The following TECPR1 variants were observed in gnomAD, a reference collection of about 807,000 sequenced individuals.
The protein encoded by TECPR1 is tectonin beta-propeller repeat containing 1.
Under a neutral mutation model 162.4 loss-of-function variants are expected in TECPR1, and 122 were observed. That is an observed-to-expected ratio of 0.75 (90% CI 0.65 to 0.87). The LOEUF is 0.87. TECPR1 is among the 40% of genes least tolerant of loss of function. TECPR1 has a pLI of 0.00. For synonymous variants in TECPR1, 642 were observed against 670.6 expected (o/e 0.96, Z 0.66); for missense variants, 1,432 against 1,618.2 (o/e 0.88, Z 1.97).
chr7:98,223,631 C>G, intron 20 of TECPR1, 31 bp downstream of exon 20: 1 of 1,613,014 alleles, frequency 6.2e-7, no homozygotes, highest in South Asian at 1.1e-5. Flanking sequence ...AGGAGCCTGA[C>G]CGTGACAGTC....
In TECPR1 at chr7:98,243,838, C is replaced by T. The variant is rs553571517; in HGVS notation, c.532-246G>A. ...CTCAAACTCCCGGCCTCAAGTGATCCACCTGCCTTGGCTTCTCAAGTGCTA... is the reference window on the plus strand; with the variant it reads ...CTCAAACTCCCGGCCTCAAGTGATCTACCTGCCTTGGCTTCTCAAGTGCTA... On this transcript the variant is annotated intron_variant, in intron 5 of 25. Coordinates refer to ENST00000447648, the MANE Select transcript of TECPR1 (RefSeq NM_015395.3). 3.3e-5 allele frequency among the ~76,000 whole-genome samples: 5 copies of T among 152,308 alleles called. No individual in the cohort carries two copies. In the South Asian group the frequency reaches 1.0e-3, roughly 32 times the overall value.
rs1173940729 is a variant in TECPR1, at chr7:98,229,176, T to A, written c.2283-10A>T. ...CATCTGCCGCCAAAACCTGGAAGGA[T>A]GGGAGAGGGCAGGTGGAAACCCCTC... On this transcript the variant is annotated splice_polypyrimidine_tract_variant and intron_variant, in intron 15 of 25. Transcript: ENST00000447648. The A allele has an allele frequency of 6.4e-7, 1 of 1,554,728 alleles. No individual in the cohort carries two copies. The highest frequency in any genetic ancestry group is 2.4e-5 in the East Asian group (1 of 41,132).
chr7:98,233,353 C>T, intron 11 of TECPR1, 68 bp downstream of exon 11: 3 of 1,395,164 alleles, frequency 2.2e-6, no homozygotes, highest in Non-Finnish European at 2.8e-6. Flanking sequence ...CCCCGGCCTC[C>T]TCCCACACCC....
At chr7:98,233,136 C>A in intron 11 of TECPR1, 164 bp from the exon 12 acceptor site, 1 of 871,722 alleles carries the variant, frequency 1.1e-6, no homozygotes, top group Non-Finnish European at 1.7e-6. Flanking sequence ...TTGCTCTCCC[C>A]CAGTAATTCA....
chr7:98,233,048 C>A, intron 11 of TECPR1, 76 bp from the exon 12 acceptor site: 2 of 1,485,398 alleles, frequency 1.3e-6, no homozygotes, highest in South Asian at 1.3e-5. Context: ...GCGCTCCCCT[C>A]CACCAAATCA....
intron 19 of TECPR1, among the ~76,000 whole-genome samples, chr7:98,223,925 C>A (rs566760976): frequency 6.6e-6 from 1 of 152,286 alleles, no homozygotes; most frequent in South Asian, 2.1e-4. Context: ...TTGAGTGCAG[C>A]CCTGGGGACC....
Position 98,231,855 on chromosome 7 carries a change from G to A in TECPR1, c.1923C>T (p.Gly641=), listed in dbSNP as rs747792186. ...LALEQFTGHD[G]VRDSILFIYY... is the part of the protein sequence containing the mutation. ...AGATGAAGAGGATGCTGTCCCGGAC[G>A]CCGTCGTGCCCCGTGAACTGCTCCA... Residue 641 remains glycine (G), a synonymous_variant, in exon 13 of 26, where the codon GGC becomes GGT. Transcript: ENST00000447648. 1.9e-5 allele frequency: 30 copies of A among 1,612,608 alleles called. No homozygotes were observed. Among genetic ancestry groups the A allele is most frequent in the Admixed American group, 3.3e-5 (2 of 59,968 alleles).
chr7:98,219,483 G>A (rs771269766), intron 23 of TECPR1, among the ~76,000 whole-genome samples: 3 of 152,178 alleles, frequency 2.0e-5, no homozygotes, highest in African/African-American at 2.4e-5. Context: ...TGCAAACTAT[G>A]CAACTGACAA....
chr7:98,247,692 T>A (rs1010961090), intron 2 of TECPR1, among the ~76,000 whole-genome samples: 1 of 152,116 alleles, frequency 6.6e-6, no homozygotes, highest in Non-Finnish European at 1.5e-5. Flanking sequence ...TCTCTTCTTC[T>A]GCCATTCTCT....
intron 10 of TECPR1, among the ~76,000 whole-genome samples, chr7:98,234,161 T>A (rs1798530961): frequency 6.6e-6 from 1 of 152,230 alleles, no homozygotes; most frequent in Non-Finnish European, 1.5e-5. Flanking sequence ...AATTAGTATT[T>A]CTTCTTTTTT....
At chr7:98,227,872 G>A in intron 17 of TECPR1, 142 bp downstream of exon 17, 2 of 609,892 alleles carry the variant, frequency 3.3e-6, no homozygotes, top group South Asian at 3.8e-5. Context: ...TCAGTGAGCG[G>A]TAAGATCCGG....
intron 2 of TECPR1, among the ~76,000 whole-genome samples, chr7:98,248,533 C>CAA (rs60387349): frequency 0.22 from 2,073 of 9,610 alleles, 732 homozygotes; most frequent in East Asian, 0.38. Flanking sequence ...CTGCCACCGG[C>CAA]AAAAAAAAAA....
chr7:98,240,177 T>A (rs1411909768), intron 8 of TECPR1, among the ~76,000 whole-genome samples: 3 of 152,064 alleles, frequency 2.0e-5, no homozygotes, highest in African/African-American at 7.2e-5. Context: ...GACTTGCCGC[T>A]GATAAGATGC....
rs927143377 is a variant in TECPR1 at position 98,232,282 on chromosome 7, C to T, written c.1819-323G>A. Reference sequence around the variant, plus strand: ...GCTTTGGTGTCACAGAGTGAGCCAGCGGCAGAGCTAGAACCCAAACCACAG... The same window carrying T: ...GCTTTGGTGTCACAGAGTGAGCCAGTGGCAGAGCTAGAACCCAAACCACAG... On this transcript the variant is annotated intron_variant, in intron 12 of 25. Coordinates refer to ENST00000447648, the MANE Select transcript of TECPR1 (RefSeq NM_015395.3). The surrounding 1 kb of genome is among the most constrained non-coding windows in gnomAD (Gnocchi z 4.6). 1.3e-5 allele frequency among the ~76,000 whole-genome samples: 2 copies of T among 152,118 alleles called. No individual in the cohort carries two copies. Among genetic ancestry groups the T allele is most frequent in the African/African-American group, 2.4e-5 (1 of 41,478 alleles).
At chr7:98,235,849 A>AAAAACAAAAAAAAAAAAAAAACAAC in intron 10 of TECPR1, among the ~76,000 whole-genome samples, 1 of 110,258 alleles carries the variant, frequency 9.1e-6, no homozygotes, top group Non-Finnish European at 2.1e-5. Flanking sequence ...AAAAAAAAAA[A>AAAAACAAAAAAAAAAAAAAAACAAC]AACACCATCT....
At chr7:98,247,227 C>T (rs772939202) in intron 2 of TECPR1, among the ~76,000 whole-genome samples, 1 of 151,990 alleles carries the variant, frequency 6.6e-6, no homozygotes, top group South Asian at 2.1e-4. Flanking sequence ...GTTGCGGCCT[C>T]GAACTCCTGG....
intron 22 of TECPR1, among the ~76,000 whole-genome samples, chr7:98,222,112 C>T (rs1798156903): frequency 6.6e-6 from 1 of 152,324 alleles, no homozygotes; most frequent in African/African-American, 2.4e-5. Flanking sequence ...GCCAGCACAG[C>T]CCGTCCTCCC....
chr7:98,217,326 G>T lies in TECPR1; in HGVS notation c.*64C>A, dbSNP rs903718050. The T allele has an allele frequency of 1.9e-5, 21 of 1,105,646 alleles. 1 individual carries two copies. Among genetic ancestry groups the T allele is most frequent in the Non-Finnish European group, 2.7e-5 (21 of 782,058 alleles). 68.5% of individuals were successfully genotyped at this position (1,105,646 alleles called of 1,614,324 possible). On this transcript the variant is annotated 3_prime_UTR_variant, in exon 26 of 26. Coordinates refer to ENST00000447648, the MANE Select transcript of TECPR1 (RefSeq NM_015395.3). The stretch of plus-strand genomic sequence containing the variant: ...TCCCACGGTGCACACTCCAGCACAA[G>T]AATGGCTCAGCCTTGATCCCCCAAA...
Position 98,243,559 on chromosome 7 carries a change from C to G in TECPR1, c.565G>C (p.Asp189His). ...PSKDDPKELP[D>H]PFNDLSVGGW... ...CCTACAGAGAGGTCGTTGAAGGGGT[C>G]GGGCAGCTCCTTGGGGTCATCCTTC... Residue 189 changes from aspartate (D) to histidine (H), a missense_variant, in exon 6 of 26, where the codon GAC (aspartate) becomes CAC (histidine). Transcript: ENST00000447648. 6.2e-7 allele frequency: 1 copy of G among 1,612,510 alleles called. No homozygotes were observed. The highest frequency in any genetic ancestry group is 8.5e-7 in the Non-Finnish European group (1 of 1,179,760).
Sources: gnomAD v4.1 joint callset for allele counts (sites outside exome capture counted in the v4.1 genomes callset) on GRCh38, gnomAD v4.1.1 for gene constraint, Gnocchi (gnomAD v3.1) non-coding constraint, MANE v1.5 for transcripts, NCBI Gene and HGNC (gene_info 2026-07-23, HGNC 2026-07-21) for gene names.